Variants in TMEM163 observed in about 807,000 individuals in gnomAD.
TMEM163 encodes the protein transmembrane protein 163.
A neutral mutation model predicts 29.3 loss-of-function variants in TMEM163; 17 were observed. That is an observed-to-expected ratio of 0.58 (90% CI 0.40 to 0.87). TMEM163 has a LOEUF of 0.87. Among genes scored for constraint, TMEM163 ranks in the 40% least tolerant of loss-of-function variants. TMEM163 has a pLI of 0.00. For missense variants in TMEM163, 303 were observed against 381.5 expected (o/e 0.79, Z 1.71); for synonymous variants, 157 against 160.6 (o/e 0.98, Z 0.17).
At chr2:134,532,975 T>C (rs896199199) in intron 4 of TMEM163, among the ~76,000 whole-genome samples, 4 of 152,206 alleles carry the variant, frequency 2.6e-5, no homozygotes, top group African/African-American at 4.8e-5. Flanking sequence ...TTCATTCTCA[T>C]TCAGAATATG....
intron 2 of TMEM163, among the ~76,000 whole-genome samples, chr2:134,600,819 C>T (rs16830851): frequency 0.044 from 6,621 of 152,150 alleles, 479 homozygotes; most frequent in African/African-American, 0.15. Context: ...AGCTCAGTTG[C>T]CATGCGGTTT....
At chr2:134,501,954 G>A (rs2106486947) in intron 5 of TMEM163, among the ~76,000 whole-genome samples, 1 of 152,248 alleles carries the variant, frequency 6.6e-6, no homozygotes, top group South Asian at 2.1e-4. Flanking sequence ...ACAAGGGAGT[G>A]AGGAAAACAA....
intron 4 of TMEM163, among the ~76,000 whole-genome samples, chr2:134,547,975 C>T (rs543460089): frequency 1.3e-5 from 2 of 152,262 alleles, no homozygotes; most frequent in South Asian, 4.2e-4. Flanking sequence ...GGCTTTCTGA[C>T]TAACATGTAC....
intron 4 of TMEM163, among the ~76,000 whole-genome samples, chr2:134,504,578 G>T (rs1011253240): frequency 6.6e-6 from 1 of 152,092 alleles, no homozygotes; most frequent in African/African-American, 2.4e-5. Flanking sequence ...CACCCCCAGG[G>T]TGACCACCCC....
At chr2:134,707,798 C>T (rs1419900816) in intron 2 of TMEM163, among the ~76,000 whole-genome samples, 1 of 151,766 alleles carries the variant, frequency 6.6e-6, no homozygotes, top group African/African-American at 2.4e-5. Context: ...CATGTGAGAT[C>T]CGTGAGATGG....
At chr2:134,685,219 T>C (rs1684328490) in intron 2 of TMEM163, among the ~76,000 whole-genome samples, 1 of 152,218 alleles carries the variant, frequency 6.6e-6, no homozygotes, top group African/African-American at 2.4e-5. Context: ...CTTAAAGATG[T>C]CTGACCCTTA....
In TMEM163 at chr2:134,648,506, C is replaced by T. The variant is rs530972104; in HGVS notation, c.322+64694G>A. On this transcript the variant is annotated intron_variant, in intron 2 of 7. Transcript: ENST00000281924. ...TTGAGGGTGGGGTGGTTGCTGGGGACCCACCCTCTTCTGCCCAGAATTTCC... is the reference window on the plus strand; with the variant it reads ...TTGAGGGTGGGGTGGTTGCTGGGGATCCACCCTCTTCTGCCCAGAATTTCC... Among the ~76,000 whole-genome samples the T allele has an allele frequency of 5.3e-5, 8 of 152,140 alleles. No individual in the cohort carries two copies. The South Asian group carries it at 1.7e-3, about 32-fold the overall frequency.
At chr2:134,477,541 A>C (rs1686945382) in intron 5 of TMEM163, among the ~76,000 whole-genome samples, 1 of 152,226 alleles carries the variant, frequency 6.6e-6, no homozygotes, top group Non-Finnish European at 1.5e-5. Context: ...CAAATACTTC[A>C]ATCAATGACA....
At chr2:134,595,892 C>T (rs1049093638) in intron 2 of TMEM163, among the ~76,000 whole-genome samples, 2 of 152,192 alleles carry the variant, frequency 1.3e-5, no homozygotes, top group Admixed American at 6.5e-5. Context: ...TTTCATGTGT[C>T]TGTTGGCTGC....
At chr2:134,618,838 G>C (rs1331500960) in intron 2 of TMEM163, among the ~76,000 whole-genome samples, 1 of 151,952 alleles carries the variant, frequency 6.6e-6, no homozygotes, top group African/African-American at 2.4e-5. Flanking sequence ...AAATGTATAG[G>C]GTGCTACTAC....
At chr2:134,650,317 A>T (rs920803321) in intron 2 of TMEM163, among the ~76,000 whole-genome samples, 69 of 152,106 alleles carry the variant, frequency 4.5e-4, no homozygotes, top group Non-Finnish European at 8.5e-4. Context: ...ACTTAAAAAA[A>T]TCAATTGTAT....
intron 2 of TMEM163, among the ~76,000 whole-genome samples, chr2:134,661,890 T>G (rs1558982908): frequency 6.6e-6 from 1 of 151,576 alleles, no homozygotes; most frequent in Non-Finnish European, 1.5e-5. Flanking sequence ...TTTGATACAG[T>G]CTTTCAAGTA....
At chr2:134,501,222 A>G (rs1679691357) in intron 5 of TMEM163, among the ~76,000 whole-genome samples, 2 of 152,228 alleles carry the variant, frequency 1.3e-5, no homozygotes, top group South Asian at 2.1e-4. Context: ...AGGCGCAACC[A>G]TGGAATCTTC....
chr2:134,524,341 G>A (rs773639498), intron 4 of TMEM163, among the ~76,000 whole-genome samples: 13 of 134,314 alleles, frequency 9.7e-5, no homozygotes, highest in Admixed American at 2.2e-4. Flanking sequence ...TTTTAATATC[G>A]ATAACATTTA....
intron 7 of TMEM163, among the ~76,000 whole-genome samples, chr2:134,457,399 C>T (rs114926314): frequency 1.3e-3 from 191 of 152,318 alleles, no homozygotes; most frequent in African/African-American, 4.1e-3. Flanking sequence ...ACTTTCGCCA[C>T]GTCCTCACTG....
chr2:134,684,651 C>T (rs1397715996), intron 2 of TMEM163, among the ~76,000 whole-genome samples: 1 of 152,036 alleles, frequency 6.6e-6, no homozygotes, highest in African/African-American at 2.4e-5. Flanking sequence ...GCAGGCCGGG[C>T]GAGGTGGCTC....
At position 134,502,939 on chromosome 2, in the gene TMEM163, C is replaced by T. The variant is rs1244494396; in HGVS notation, c.517G>A (p.Ala173Thr). ...LLSSICIVVKAIHDLSTRLLP... is the reference protein window; with the variant it reads ...LLSSICIVVKTIHDLSTRLLP... ...AGCCTAGTTGAGAGGTCATGGATGG[C>T]TTTGACCACTATACATATGGATGAC... Residue 173 changes from alanine to threonine, a missense_variant, in exon 5 of 8, where the codon GCC becomes ACC. Transcript: ENST00000281924. 1 of 1,613,792 alleles carries T rather than the reference C, an allele frequency of 6.2e-7. No homozygotes were observed. Among genetic ancestry groups the T allele is most frequent in the South Asian group, 1.1e-5 (1 of 90,992 alleles).
At chr2:134,464,176 G>A (rs1206735693) in intron 6 of TMEM163, among the ~76,000 whole-genome samples, 2 of 152,198 alleles carry the variant, frequency 1.3e-5, no homozygotes, top group African/African-American at 2.4e-5. Context: ...TGCTGGTCGG[G>A]GCGACTTTAG....
chr2:134,532,021 G>C (rs950029827), intron 4 of TMEM163, among the ~76,000 whole-genome samples: 1 of 152,182 alleles, frequency 6.6e-6, no homozygotes, highest in Non-Finnish European at 1.5e-5. Flanking sequence ...TTTAGGAGTT[G>C]TTATGCCAGG....
Sources: allele counts gnomAD v4.1 joint callset (sites outside exome capture counted in the v4.1 genomes callset), GRCh38; gene constraint gnomAD v4.1.1; transcripts MANE v1.5; gene names NCBI Gene and HGNC (gene_info 2026-07-23, HGNC 2026-07-21).